Variants in KCNT2 observed in about 807,000 individuals in gnomAD.
KCNT2 encodes potassium channel subfamily T member 2.
A neutral mutation model predicts 153.8 loss-of-function variants in KCNT2; 67 were observed. That is an observed-to-expected ratio of 0.44 (90% CI 0.36 to 0.53). The LOEUF is 0.53. Among genes scored for constraint, KCNT2 ranks in the 20% least tolerant of loss-of-function variants. The pLI, the probability that KCNT2 is intolerant of heterozygous loss-of-function variation, is 0.00. For missense variants in KCNT2, 975 were observed against 1,354.8 expected (o/e 0.72, Z 4.40); for synonymous variants, 500 against 458.8 (o/e 1.09, Z -1.15).
At chr1:196,487,652 TATTG>T (rs1277038776) in intron 3 of KCNT2, among the ~76,000 whole-genome samples, 1 of 152,034 alleles carries the variant, frequency 6.6e-6, no homozygotes, top group Non-Finnish European at 1.5e-5. Flanking sequence ...TACTCATTCC[TATTG>T]ATCATCAAAT....
chr1:196,500,292 G>GGGAA (rs1680588646), intron 1 of KCNT2, among the ~76,000 whole-genome samples: 2 of 112,538 alleles, frequency 1.8e-5, no homozygotes, highest in South Asian at 6.7e-4. Flanking sequence ...GAGGGAGGGA[G>GGGAA]GGAGGGAGGG....
At chr1:196,452,400 A>T (rs1676294558) in intron 8 of KCNT2, among the ~76,000 whole-genome samples, 1 of 151,934 alleles carries the variant, frequency 6.6e-6, no homozygotes, top group South Asian at 2.1e-4. Context: ...TATAACCCAG[A>T]TCATTATCCC....
chr1:196,516,228 C>A (rs1025866135), intron 1 of KCNT2, among the ~76,000 whole-genome samples: 1 of 152,176 alleles, frequency 6.6e-6, no homozygotes, highest in Non-Finnish European at 1.5e-5. Context: ...AGATGGAGCT[C>A]CCAGAGGGAG....
chr1:196,498,496 T>C (rs1025098713), intron 1 of KCNT2, among the ~76,000 whole-genome samples: 1 of 152,144 alleles, frequency 6.6e-6, no homozygotes, highest in Admixed American at 6.5e-5. Context: ...ATTACTGTAC[T>C]CATCTCAAAC....
intron 13 of KCNT2, among the ~76,000 whole-genome samples, chr1:196,386,289 C>T (rs976769764): frequency 6.6e-6 from 1 of 152,126 alleles, no homozygotes; most frequent in African/African-American, 2.4e-5. Context: ...TATTACTTCT[C>T]CCAAATTCCT....
chr1:196,380,217 T>G (rs928002685), intron 13 of KCNT2, among the ~76,000 whole-genome samples: 1 of 151,588 alleles, frequency 6.6e-6, no homozygotes, highest in African/African-American at 2.4e-5. Context: ...TGGGAAAGAG[T>G]TTTAGAAGCA....
chr1:196,342,769 C>A (rs1287267213), intron 14 of KCNT2, among the ~76,000 whole-genome samples: 1 of 151,902 alleles, frequency 6.6e-6, no homozygotes, highest in African/African-American at 2.4e-5. Context: ...CATATCGTAG[C>A]AATAACTTTC....
At chr1:196,577,558 A>C (rs1261986290) in intron 1 of KCNT2, among the ~76,000 whole-genome samples, 2 of 152,218 alleles carry the variant, frequency 1.3e-5, no homozygotes, top group Non-Finnish European at 2.9e-5. Flanking sequence ...CTGACCCTTG[A>C]TTAACATATG....
intron 1 of KCNT2, among the ~76,000 whole-genome samples, chr1:196,505,417 G>A (rs930694593): frequency 2.0e-5 from 3 of 151,658 alleles, no homozygotes; most frequent in Non-Finnish European, 2.9e-5. Context: ...TATTTCTGAG[G>A]GCTCTGTTCT....
intron 25 of KCNT2, among the ~76,000 whole-genome samples, chr1:196,277,028 A>G (rs1030470209): frequency 6.6e-6 from 1 of 152,162 alleles, no homozygotes; most frequent in Non-Finnish European, 1.5e-5. Context: ...TAGAATTATT[A>G]CAGTAATATT....
intron 5 of KCNT2, among the ~76,000 whole-genome samples, chr1:196,470,606 A>G (rs558936163): frequency 6.6e-6 from 1 of 152,292 alleles, no homozygotes; most frequent in East Asian, 1.9e-4. Context: ...CATGGGAGAA[A>G]GGGCCAGAGC....
At chr1:196,599,888 G>T (rs1006932230) in intron 1 of KCNT2, among the ~76,000 whole-genome samples, 40 of 152,082 alleles carry the variant, frequency 2.6e-4, no homozygotes, top group South Asian at 6.2e-4. Flanking sequence ...GGCAACTAGG[G>T]CTTTCCAGGT....
intron 8 of KCNT2, among the ~76,000 whole-genome samples, chr1:196,439,484 T>C (rs925944118): frequency 2.6e-5 from 4 of 151,956 alleles, no homozygotes; most frequent in African/African-American, 9.7e-5. Flanking sequence ...GAAACAAATA[T>C]GCCCCTTGAC....
chr1:196,483,690 C>T (rs1028178723), intron 3 of KCNT2, among the ~76,000 whole-genome samples: 1 of 152,118 alleles, frequency 6.6e-6, no homozygotes, highest in Non-Finnish European at 1.5e-5. Flanking sequence ...GTCAACTAAT[C>T]CCTTGGGCCA....
At chr1:196,324,498 A>G (rs1663649996) in intron 19 of KCNT2, among the ~76,000 whole-genome samples, 1 of 152,158 alleles carries the variant, frequency 6.6e-6, no homozygotes, top group South Asian at 2.1e-4. Context: ...AAATGTTTAC[A>G]TCGTAATTTG....
intron 8 of KCNT2, among the ~76,000 whole-genome samples, chr1:196,461,047 A>C (rs1478676891): frequency 6.6e-6 from 1 of 151,776 alleles, no homozygotes; most frequent in South Asian, 2.1e-4. Flanking sequence ...AAAACAAAAA[A>C]CTAGGAACCA....
At position 196,342,117 on chromosome 1, in the gene KCNT2, T is replaced by C. The variant is rs372254711; in HGVS notation, c.1515A>G (p.Gly505=). The C allele has an allele frequency of 1.8e-5, 29 of 1,611,450 alleles. No individual in the cohort carries two copies. The African/African-American group carries it at 3.2e-4, about 18-fold the overall frequency. ...EESTFFAEYE[G]KSFTYASFHA... ...GGAAAGAGGCATATGTAAAACTCTT[T>C]CCTTCATATTCAGCAAAAAATGTAC... The change falls in exon 15 of 28, where the codon GGA becomes GGG. Residue 505 remains glycine (G), a synonymous_variant. Coordinates refer to ENST00000294725, the MANE Select transcript of KCNT2 (RefSeq NM_198503.5).
chr1:196,513,297 T>C (rs1321320611), intron 1 of KCNT2, among the ~76,000 whole-genome samples: 1 of 152,200 alleles, frequency 6.6e-6, no homozygotes, highest in Non-Finnish European at 1.5e-5. Context: ...AGTGGTTACT[T>C]CTAACACCCT....
chr1:196,308,371 C>T (rs58575246), intron 21 of KCNT2, among the ~76,000 whole-genome samples: 1 of 151,988 alleles, frequency 6.6e-6, no homozygotes, highest in Non-Finnish European at 1.5e-5. Context: ...TAGATGTGTA[C>T]TGGTCTGTGC....
Sources: gnomAD v4.1 joint callset for allele counts (sites outside exome capture counted in the v4.1 genomes callset) on GRCh38, gnomAD v4.1.1 for gene constraint, MANE v1.5 for transcripts, NCBI Gene and HGNC (gene_info 2026-07-23, HGNC 2026-07-21) for gene names.